SORCS3: variants seen among roughly 807,000 people sequenced by gnomAD.
SORCS3 encodes the protein sortilin related VPS10 domain containing receptor 3.
SORCS3 carries 57 observed loss-of-function variants against 146.3 expected under a neutral mutation model. The ratio of observed to expected loss-of-function variants is 0.39; its 90% CI spans 0.31 to 0.49. The LOEUF (loss-of-function observed/expected upper bound fraction) is 0.49. Among genes scored for constraint, SORCS3 ranks in the 20% least tolerant of loss-of-function variants. The probability of loss-of-function intolerance (pLI) is 0.92; values close to 1 mark genes in which losing one functional copy is unlikely to be tolerated. For missense variants in SORCS3, 1,341 were observed against 1,575.5 expected, an observed-to-expected ratio of 0.85 and a Z score of 2.52; for synonymous variants, 653 against 618.5, an observed-to-expected ratio of 1.06 and a Z score of -0.83.
chr10:104,992,182 C>T (rs921130270), intron 4 of SORCS3, among the ~76,000 whole-genome samples: 1 of 152,084 alleles, frequency 6.6e-6, no homozygotes, highest in Non-Finnish European at 1.5e-5. Context: ...GAGATGGAAA[C>T]CAGATCCATG....
chr10:105,242,995 T>C (rs1414334798), intron 20 of SORCS3, among the ~76,000 whole-genome samples: 2 of 129,012 alleles, frequency 1.6e-5, no homozygotes, highest in African/African-American at 5.8e-5. Context: ...TAATATATAT[T>C]TATACATGTA....
intron 2 of SORCS3, among the ~76,000 whole-genome samples, chr10:104,857,375 G>C (rs1180289529): frequency 2.0e-5 from 3 of 152,154 alleles, no homozygotes; most frequent in African/African-American, 7.2e-5. Flanking sequence ...AGCAAGATGT[G>C]TTTAGCAAGG....
chr10:105,115,512 G>C (rs1298673180), intron 7 of SORCS3, among the ~76,000 whole-genome samples: 2 of 152,104 alleles, frequency 1.3e-5, no homozygotes, highest in African/African-American at 4.8e-5. Context: ...ATCAACATAT[G>C]TGCATGATAA....
intron 14 of SORCS3, among the ~76,000 whole-genome samples, chr10:105,186,516 A>AG (rs2119581673): frequency 6.8e-6 from 1 of 147,586 alleles, no homozygotes; most frequent in Non-Finnish European, 1.5e-5. Flanking sequence ...GAAACTGAGA[A>AG]ATGTCATGAC....
chr10:105,236,953 C>T (rs1184241445), intron 20 of SORCS3, among the ~76,000 whole-genome samples: 2 of 152,108 alleles, frequency 1.3e-5, no homozygotes, highest in African/African-American at 4.8e-5. Flanking sequence ...TATCTATCTA[C>T]TACCTACCTC....
rs1306531779 is a variant in SORCS3, at chr10:104,854,316, ATTC to A, written c.695+11461_695+11463del. On this transcript the variant is annotated intron_variant, in intron 2 of 26. Coordinates refer to ENST00000369701, the MANE Select transcript of SORCS3 (RefSeq NM_014978.3). ...GCTCTTAGTCATTCACAAATTCTCC[ATTC>A]TTCATAGGAGAGGTGGTGGGTGATT... is the stretch of plus-strand genomic sequence containing the variant. Among the ~76,000 whole-genome samples the A allele has an allele frequency of 9.8e-5, 15 of 152,296 alleles. No homozygotes were observed. The East Asian group carries it at 2.9e-3, about 29-fold the overall frequency.
At chr10:104,774,925 T>C (rs1177875175) in intron 1 of SORCS3, among the ~76,000 whole-genome samples, 2 of 152,206 alleles carry the variant, frequency 1.3e-5, no homozygotes, top group African/African-American at 4.8e-5. Context: ...TAGGCTTGTT[T>C]TATGTTCTAA....
At position 105,001,686 on chromosome 10, in the gene SORCS3, G is replaced by A. The variant is rs528519503; in HGVS notation, c.954+24193G>A. On this transcript the variant is annotated intron_variant, in intron 4 of 26. Coordinates refer to ENST00000369701, the MANE Select transcript of SORCS3 (RefSeq NM_014978.3). ...TTTAAGGGAAAAAGATGGAAAGGAA[G>A]GATCAGTTAGTGACAGGTCAATTAA... 2.6e-5 allele frequency among the ~76,000 whole-genome samples: 4 copies of A among 152,256 alleles called. No individual in the cohort carries two copies. The South Asian group carries it at 8.3e-4, about 32-fold the overall frequency.
At chr10:104,667,355 G>A (rs2015794020) in intron 1 of SORCS3, among the ~76,000 whole-genome samples, 2 of 152,196 alleles carry the variant, frequency 1.3e-5, no homozygotes, top group Non-Finnish European at 2.9e-5. Context: ...CTTCTCCTGA[G>A]ATCTTCCTGC....
chr10:105,255,370 T>C (rs953882083), intron 23 of SORCS3, among the ~76,000 whole-genome samples: 5 of 151,818 alleles, frequency 3.3e-5, no homozygotes, highest in Middle Eastern at 3.2e-3. Context: ...ATACCTAATG[T>C]TAAATGACGA....
At chr10:104,767,839 C>T (rs1200679463) in intron 1 of SORCS3, among the ~76,000 whole-genome samples, 1 of 147,688 alleles carries the variant, frequency 6.8e-6, no homozygotes, top group Non-Finnish European at 1.5e-5. Flanking sequence ...TCCTCCCCTT[C>T]CTCCTACTCT....
intron 1 of SORCS3, among the ~76,000 whole-genome samples, chr10:104,774,426 CG>C (rs1295669845): frequency 2.6e-5 from 4 of 152,128 alleles, no homozygotes; most frequent in Non-Finnish European, 5.9e-5. Flanking sequence ...GCCATTTCCC[CG>C]GGGGAAAGGG....
At chr10:104,683,236 T>A (rs2016000876) in intron 1 of SORCS3, among the ~76,000 whole-genome samples, 1 of 152,200 alleles carries the variant, frequency 6.6e-6, no homozygotes, top group Non-Finnish European at 1.5e-5. Flanking sequence ...CCTTTTTAAA[T>A]TTGGGGCACA....
intron 9 of SORCS3, among the ~76,000 whole-genome samples, chr10:105,152,641 T>G (rs977874238): frequency 7.9e-5 from 12 of 152,206 alleles, no homozygotes; most frequent in African/African-American, 2.7e-4. Flanking sequence ...TATCAGTTCT[T>G]CAATTCAAAT....
intron 1 of SORCS3, among the ~76,000 whole-genome samples, chr10:104,785,726 T>A (rs1411260544): frequency 2.0e-5 from 3 of 152,208 alleles, no homozygotes; most frequent in African/African-American, 7.2e-5. Context: ...ACCTGCAGTC[T>A]TCTCCATTCA....
intron 1 of SORCS3, among the ~76,000 whole-genome samples, chr10:104,646,874 C>G (rs1434337407): frequency 6.6e-6 from 1 of 151,990 alleles, no homozygotes. Context: ...AGTTTATTCT[C>G]CTGGTGTTGT....
intron 4 of SORCS3, among the ~76,000 whole-genome samples, chr10:105,012,175 G>A (rs2055139847): frequency 6.6e-6 from 1 of 152,114 alleles, no homozygotes; most frequent in South Asian, 2.1e-4. Flanking sequence ...AAGGGATGAA[G>A]CATCATGGCA....
intron 2 of SORCS3, among the ~76,000 whole-genome samples, chr10:104,884,340 G>A (rs2018660591): frequency 6.6e-6 from 1 of 152,156 alleles, no homozygotes; most frequent in Admixed American, 6.5e-5. Context: ...TACCCTGGAG[G>A]AGACAGAAAA....
chr10:104,652,917 G>A (rs564819054), intron 1 of SORCS3, among the ~76,000 whole-genome samples: 17 of 152,324 alleles, frequency 1.1e-4, no homozygotes, highest in African/African-American at 3.8e-4. Flanking sequence ...GTAAACATAT[G>A]TTGGACAGAT....
Sources: allele counts gnomAD v4.1 joint callset (sites outside exome capture counted in the v4.1 genomes callset), GRCh38; gene constraint gnomAD v4.1.1; transcripts MANE v1.5; gene names NCBI Gene and HGNC (gene_info 2026-07-23, HGNC 2026-07-21).